CSMD2: variants seen among roughly 807,000 people sequenced by gnomAD.
CSMD2 encodes CUB and Sushi multiple domains 2.
In CSMD2, 130 loss-of-function variants were observed where a neutral mutation model predicts 398.5. The ratio of observed to expected loss-of-function variants is 0.33; its 90% CI spans 0.28 to 0.38. The LOEUF (loss-of-function observed/expected upper bound fraction) is 0.38, where lower values mean the gene tolerates loss of function less well. Ranked by LOEUF, CSMD2 falls within the 10% of genes least tolerant of loss-of-function variation. The pLI, the probability that CSMD2 is intolerant of heterozygous loss-of-function variation, is 1.00. For missense variants in CSMD2, 3,829 were observed against 4,764.9 expected (o/e 0.80, Z 5.78); for synonymous variants, 1,828 against 1,908.5 (o/e 0.96, Z 1.10).
chr1:33,589,861 T>C (rs1639313371), intron 44 of CSMD2, among the ~76,000 whole-genome samples: 1 of 152,238 alleles, frequency 6.6e-6, no homozygotes, highest in South Asian at 2.1e-4. Flanking sequence ...TCCCAGTTTA[T>C]CATTTGCTTA....
At chr1:33,758,459 T>C (rs973385526) in intron 13 of CSMD2, among the ~76,000 whole-genome samples, 1 of 152,188 alleles carries the variant, frequency 6.6e-6, no homozygotes, top group African/African-American at 2.4e-5. Flanking sequence ...GTTTATATAA[T>C]AGCAGCAATA....
At chr1:33,940,281 C>A (rs200713035) in intron 3 of CSMD2, among the ~76,000 whole-genome samples, 82 of 152,168 alleles carry the variant, frequency 5.4e-4, no homozygotes, top group African/African-American at 1.8e-3. Context: ...ATCCTAATGA[C>A]CTCATCCTAA....
intron 11 of CSMD2, among the ~76,000 whole-genome samples, chr1:33,789,640 T>C (rs765074535): frequency 1.5e-4 from 23 of 152,202 alleles, no homozygotes; most frequent in Non-Finnish European, 2.8e-4. Context: ...AATCTCTGCT[T>C]CACCCAGGGT....
intron 24 of CSMD2, among the ~76,000 whole-genome samples, chr1:33,695,464 A>G (rs1645391371): frequency 6.6e-6 from 1 of 152,122 alleles, no homozygotes; most frequent in Non-Finnish European, 1.5e-5. Context: ...TACATTCCCC[A>G]TTGGAGCAGT....
At chr1:33,706,203 C>A (rs563825310) in intron 22 of CSMD2, among the ~76,000 whole-genome samples, 2 of 152,108 alleles carry the variant, frequency 1.3e-5, no homozygotes, top group East Asian at 3.9e-4. Context: ...TTAATTTATT[C>A]GTGCTATGTT....
At chr1:34,099,285 G>A (rs1659714312) in intron 1 of CSMD2, among the ~76,000 whole-genome samples, 1 of 152,182 alleles carries the variant, frequency 6.6e-6, no homozygotes, top group African/African-American at 2.4e-5. Context: ...GATAGACCCT[G>A]TGATAAGCCA....
rs72663968 is a variant in CSMD2, at chr1:33,877,308, G to A, written c.921-30312C>T. Among the ~76,000 whole-genome samples, 1,331 of 152,240 alleles carry A rather than the reference G, an allele frequency of 8.7e-3. 7 individuals carry two copies. Among genetic ancestry groups the A allele is most frequent in the South Asian group, 0.014 (69 of 4,806 alleles). Reference sequence around the variant, plus strand: ...GAAAATGAGAGGTCAGGATTCCTGGGCCCAATGGCTCGTTAACAGAGGTCC... The same window carrying A: ...GAAAATGAGAGGTCAGGATTCCTGGACCCAATGGCTCGTTAACAGAGGTCC... On this transcript the variant is annotated intron_variant, in intron 5 of 70. Transcript: ENST00000373381.
chr1:34,085,548 G>T (rs567574598), intron 2 of CSMD2, among the ~76,000 whole-genome samples: 302 of 152,198 alleles, frequency 2.0e-3, no homozygotes, highest in African/African-American at 6.7e-3. Flanking sequence ...ACAAATGTAG[G>T]TCAAAAACAG....
intron 44 of CSMD2, chr1:33,600,345 A>G (rs546584988): frequency 4.4e-4 from 262 of 592,936 alleles, no homozygotes; most frequent in Non-Finnish European, 7.1e-4. Flanking sequence ...AAATGAGGAA[A>G]TATCCAGATC....
chr1:33,806,022 A>C (rs549973426), intron 10 of CSMD2, among the ~76,000 whole-genome samples: 1 of 152,138 alleles, frequency 6.6e-6, no homozygotes, highest in Non-Finnish European at 1.5e-5. Context: ...TACCTTTTAA[A>C]AATTCGGTCA....
chr1:34,097,187 G>A (rs1413533943), intron 1 of CSMD2, among the ~76,000 whole-genome samples: 6 of 150,254 alleles, frequency 4.0e-5, no homozygotes, highest in Admixed American at 6.7e-5. Flanking sequence ...AATAAATGGT[G>A]CTGGGAAAAC....
chr1:33,954,877 G>C (rs1645115305), intron 3 of CSMD2, among the ~76,000 whole-genome samples: 1 of 152,176 alleles, frequency 6.6e-6, no homozygotes, highest in Non-Finnish European at 1.5e-5. Context: ...AAAGGTTCTG[G>C]AGATGGATGG....
chr1:33,897,274 C>G (rs1642453481), intron 5 of CSMD2, among the ~76,000 whole-genome samples: 1 of 152,108 alleles, frequency 6.6e-6, no homozygotes, highest in Non-Finnish European at 1.5e-5. Flanking sequence ...CGGCTCAGTG[C>G]TAGGTGGCCA....
chr1:33,926,073 T>A (rs539949138), intron 4 of CSMD2, among the ~76,000 whole-genome samples: 130 of 152,334 alleles, frequency 8.5e-4, no homozygotes, highest in African/African-American at 3.0e-3. Flanking sequence ...TTTTCCATAA[T>A]TAATTGATCA....
At chr1:33,569,227 C>T (rs1659349102) in intron 52 of CSMD2, 147 bp downstream of exon 52, 5 of 809,990 alleles carry the variant, frequency 6.2e-6, no homozygotes, top group Non-Finnish European at 9.0e-6. Context: ...TTAGTCATGC[C>T]TGATGGCCAA....
chr1:33,840,163 T>G lies in CSMD2; in HGVS notation c.1033+6721A>C, dbSNP rs551388531. 6.6e-5 allele frequency: 10 copies of G among 152,304 alleles called. No individual in the cohort carries two copies. The South Asian group carries it at 2.1e-3, about 32-fold the overall frequency. The allele number at this position is 152,304 out of a possible 1,614,324, so 9.4% of individuals were successfully genotyped here. ...TAGTTCCCAGAATAGTGCTTTGTCATTATTAATAAGCCATGTGGGGTTATT... is the reference window on the plus strand; with the variant it reads ...TAGTTCCCAGAATAGTGCTTTGTCAGTATTAATAAGCCATGTGGGGTTATT... On this transcript the variant is annotated intron_variant, in intron 6 of 70. Transcript: ENST00000373381.
intron 1 of CSMD2, among the ~76,000 whole-genome samples, chr1:34,133,161 C>G (rs953623228): frequency 2.0e-5 from 3 of 152,238 alleles, no homozygotes; most frequent in African/African-American, 4.8e-5. Flanking sequence ...CTCTCTCCCT[C>G]TTTTGCAATA....
rs575254521 is a variant in CSMD2 at position 33,580,816 on chromosome 1, C to G, written c.7324G>C (p.Val2442Leu). ...PLIVTSSSNS[V>L]YLRWSSDHAY... ...TGATCAGATGACCAACGCAGGTACA[C>G]AGAGTTGCTTGAGCTGGTGACAATC... Residue 2442 changes from valine to leucine, a missense_variant, in exon 48 of 71, where the codon GTG becomes CTG. Around this residue, in one of 5 missense-constraint regions of CSMD2, gnomAD observed 723 missense variants for 758.6 expected, o/e 0.95. Transcript: ENST00000373381. 3 of 1,614,166 alleles carry G rather than the reference C, an allele frequency of 1.9e-6. No homozygotes were observed. The highest frequency in any genetic ancestry group is 1.1e-5 in the South Asian group (1 of 91,084).
intron 41 of CSMD2, 149 bp downstream of exon 41, chr1:33,610,892 C>G (rs1321571754): frequency 1.4e-6 from 1 of 713,850 alleles, no homozygotes; most frequent in Non-Finnish European, 2.3e-6. Flanking sequence ...GATCTGCCAC[C>G]AAAAGGAAGC....
Sources: allele counts gnomAD v4.1 joint callset (sites outside exome capture counted in the v4.1 genomes callset), GRCh38; gene constraint gnomAD v4.1.1; regional missense constraint gnomAD v4.1.1; transcripts MANE v1.5; gene names NCBI Gene and HGNC (gene_info 2026-07-23, HGNC 2026-07-21).